PKHD1L1: variants seen among roughly 807,000 people sequenced by gnomAD.
The protein encoded by PKHD1L1 is fibrocystin-L.
Under a neutral mutation model 462.9 loss-of-function variants are expected in PKHD1L1, and 434 were observed. That is an observed-to-expected ratio of 0.94 (90% CI 0.87 to 1.02). The LOEUF (loss-of-function observed/expected upper bound fraction) is 1.02. Among genes scored for constraint, PKHD1L1 ranks in the 50% least tolerant of loss-of-function variants. The probability of loss-of-function intolerance (pLI) is 0.00; values close to 1 mark genes in which losing one functional copy is unlikely to be tolerated. For missense variants in PKHD1L1, 5,202 were observed against 5,096.1 expected (o/e 1.02, Z -0.63); for synonymous variants, 1,781 against 1,750.0 (o/e 1.02, Z -0.44).
intron 53 of PKHD1L1, among the ~76,000 whole-genome samples, 178 bp from the exon 54 acceptor site, chr8:109,479,373 C>G (rs1226349372): frequency 6.6e-6 from 1 of 152,038 alleles, no homozygotes; most frequent in Non-Finnish European, 1.5e-5. Flanking sequence ...ATATCCTCTA[C>G]CCCTACTCCC....
At chr8:109,437,426 T>C (rs1815486227) in intron 30 of PKHD1L1, among the ~76,000 whole-genome samples, 1 of 151,894 alleles carries the variant, frequency 6.6e-6, no homozygotes. Flanking sequence ...ATGTGCCATG[T>C]TGGTGTGCTG....
At chr8:109,396,467 CT>C (rs1812981317) in intron 11 of PKHD1L1, among the ~76,000 whole-genome samples, 1 of 152,118 alleles carries the variant, frequency 6.6e-6, no homozygotes, top group Non-Finnish European at 1.5e-5. Context: ...TCTTAAATGC[CT>C]TTTTTGAATG....
chr8:109,395,205 G>C (rs561822955), intron 10 of PKHD1L1, among the ~76,000 whole-genome samples: 5 of 152,298 alleles, frequency 3.3e-5, no homozygotes, highest in African/African-American at 1.2e-4. Context: ...GACCATTTAA[G>C]CTGTCTGAGA....
chr8:109,527,349 A>C (rs1462811089), intron 77 of PKHD1L1, among the ~76,000 whole-genome samples: 2 of 151,736 alleles, frequency 1.3e-5, no homozygotes, highest in African/African-American at 4.8e-5. Flanking sequence ...TAAAAATATA[A>C]AAAAATTAGC....
rs952485696 is a variant in PKHD1L1 at position 109,445,598 on chromosome 8, A to G, written c.5729A>G (p.Tyr1910Cys). 2 of 1,610,518 alleles carry G rather than the reference A, an allele frequency of 1.2e-6. No individual in the cohort carries two copies. Among genetic ancestry groups the G allele is most frequent in the African/African-American group, 2.7e-5 (2 of 74,868 alleles). Residue 1910 changes from tyrosine (Y) to cysteine (C), a missense_variant, in exon 38 of 78, where the codon TAT becomes TGT. Coordinates refer to ENST00000378402, the MANE Select transcript of PKHD1L1 (RefSeq NM_177531.6). ...TIAYPPLLFT[Y>C]ALEDTPFLRG... ...GCTTATCCACCTTTGCTTTTTACAT[A>G]TGCCCTGGAGGATACTCCATTTCTC... is the stretch of plus-strand genomic sequence containing the variant.
intron 1 of PKHD1L1, among the ~76,000 whole-genome samples, chr8:109,362,973 G>A (rs1811054354): frequency 6.6e-6 from 1 of 152,100 alleles, no homozygotes; most frequent in African/African-American, 2.4e-5. Flanking sequence ...GAAATTTGGC[G>A]GGGGAGTGGG....
intron 21 of PKHD1L1, among the ~76,000 whole-genome samples, chr8:109,414,991 TATTATTATTA>T (rs1563751469): frequency 3.5e-4 from 51 of 147,514 alleles, no homozygotes; most frequent in African/African-American, 9.7e-4. Context: ...TTATTATTAT[TATTATTATTA>T]TTATTATTAT....
chr8:109,416,044 A>G (rs1254621438), intron 21 of PKHD1L1, among the ~76,000 whole-genome samples: 1 of 152,090 alleles, frequency 6.6e-6, no homozygotes, highest in African/African-American at 2.4e-5. Context: ...AGTGAGGGCA[A>G]CTGTAGACCA....
chr8:109,498,724 C>A lies in PKHD1L1; in HGVS notation c.10781C>A (p.Ala3594Glu), dbSNP rs1488287534. Residue 3594 changes from alanine to glutamate, a missense_variant, in exon 67 of 78, where the codon GCA becomes GAA. Physicochemically the swap from Ala to Glu is moderately radical, Grantham distance 107 (BLOSUM62 -1). Coordinates refer to ENST00000378402, the MANE Select transcript of PKHD1L1 (RefSeq NM_177531.6). The part of the protein sequence containing the change: ...AHNMAPRKPH[A>E]GIMSYNAISG... The stretch of plus-strand genomic sequence containing the variant: ...AACATGGCACCCCGAAAGCCCCATG[C>A]AGGAATCATGAGTTACAATGCCATC... The A allele has an allele frequency of 1.2e-6, 2 of 1,613,956 alleles. No individual in the cohort carries two copies. Among genetic ancestry groups the A allele is most frequent in the Admixed American group, 3.3e-5 (2 of 60,018 alleles).
At chr8:109,385,711 T>G in intron 6 of PKHD1L1, 81 bp downstream of exon 6, 1 of 871,618 alleles carries the variant, frequency 1.1e-6, no homozygotes, top group East Asian at 2.9e-5. Flanking sequence ...CCAATGATAT[T>G]AAATCCCATT....
At chr8:109,421,412 A>C (rs533485352) in intron 23 of PKHD1L1, among the ~76,000 whole-genome samples, 1 of 152,300 alleles carries the variant, frequency 6.6e-6, no homozygotes, top group Admixed American at 6.5e-5. Context: ...ATCCTGGCCC[A>C]ATGTTTTAGT....
In PKHD1L1 at chr8:109,497,060, AT is replaced by A; in HGVS notation, c.10473del (p.Gln3492ArgfsTer11). ...TGGACATGCTGGGATTATGGAATTTATTTTCAGGTAATTATGATTAAAGATG... is the reference window on the plus strand; with the variant it reads ...TGGACATGCTGGGATTATGGAATTTATTTCAGGTAATTATGATTAAAGATG... ...TIWTCWDYGI[Y>X]FQTTESVHIY... is the part of the protein sequence containing the mutation. On this transcript the variant is annotated frameshift_variant, in exon 64 of 78. Coordinates refer to ENST00000378402, the MANE Select transcript of PKHD1L1 (RefSeq NM_177531.6). LOFTEE classifies it high-confidence loss of function. 6.2e-7 allele frequency: 1 copy of A among 1,613,240 alleles called. No individual in the cohort carries two copies. Among genetic ancestry groups the A allele is most frequent in the East Asian group, 2.2e-5 (1 of 44,850 alleles).
chr8:109,508,181 T>C lies in PKHD1L1; in HGVS notation c.11312T>C (p.Ile3771Thr), dbSNP rs373002133. 38 of 1,613,278 alleles carry C rather than the reference T, an allele frequency of 2.4e-5. No individual in the cohort carries two copies. Among genetic ancestry groups the C allele is most frequent in the South Asian group, 2.2e-4 (20 of 91,066 alleles). Residue 3771 changes from isoleucine to threonine, a missense_variant, in exon 70 of 78, where the codon ATT (isoleucine) becomes ACT (threonine). Ile to Thr is a moderately conservative substitution (Grantham distance 89). This residue lies in a region of PKHD1L1 where 698 missense variants were observed against 736.3 expected (regional missense o/e 0.95). Coordinates refer to ENST00000378402, the MANE Select transcript of PKHD1L1 (RefSeq NM_177531.6). ...CFGMEYAMMV[I>T]ESLDPDTETR... is the part of the protein sequence containing the mutation. The stretch of plus-strand genomic sequence containing the variant: ...GGGATGGAATATGCAATGATGGTTA[T>C]TGAAAGTCTGGATCCTGACACAGAA...
chr8:109,454,596 G>C, intron 44 of PKHD1L1, 127 bp from the exon 45 acceptor site: 1 of 1,339,296 alleles, frequency 7.5e-7, no homozygotes, highest in Non-Finnish European at 1.0e-6. Flanking sequence ...TCAAAAGAAA[G>C]ATATGAACAA....
At chr8:109,388,909 C>G (rs926561368) in intron 7 of PKHD1L1, among the ~76,000 whole-genome samples, 170 bp from the exon 8 acceptor site, 2 of 152,118 alleles carry the variant, frequency 1.3e-5, no homozygotes, top group African/African-American at 2.4e-5. Flanking sequence ...TTTATGCAAA[C>G]ATCTTCAACA....
intron 2 of PKHD1L1, among the ~76,000 whole-genome samples, chr8:109,377,055 A>C (rs1166919154): frequency 6.6e-6 from 1 of 152,260 alleles, no homozygotes; most frequent in Non-Finnish European, 1.5e-5. Flanking sequence ...GTTGTCTAGC[A>C]GACCTTTGTG....
intron 71 of PKHD1L1, among the ~76,000 whole-genome samples, chr8:109,512,608 A>G (rs899238270): frequency 4.0e-4 from 60 of 151,578 alleles, no homozygotes; most frequent in Middle Eastern, 3.4e-3. Flanking sequence ...GCCTTGTAGT[A>G]TAGTTTGAAG....
Position 109,400,341 on chromosome 8 carries a change from T to C in PKHD1L1, c.1278T>C (p.Asp426=), listed in dbSNP as rs753291980. The change falls in exon 13 of 78, where the codon GAT becomes GAC. Residue 426 remains aspartate, a synonymous_variant. Transcript: ENST00000378402. ...TTAGCCAGACTGGACTTCCAGAAGA[T>C]AAGGTAGGGAAGCCTCAGAATACTA... ...IYFSQTGLPE[D]KVRIAYHSAN... 2 of 1,612,458 alleles carry C rather than the reference T, an allele frequency of 1.2e-6. No homozygotes were observed. The highest frequency in any genetic ancestry group is 1.7e-6 in the Non-Finnish European group (2 of 1,178,960).
Position 109,491,913 on chromosome 8 carries a change from T to C in PKHD1L1, c.10155T>C (p.Asn3385=). ...IWGNANRVRG[N]LIALSVWPGT... ...GGAATGCCAACCGAGTCCGAGGGAA[T>C]TTGATTGCACTTTCGGTTTGGCCAG... Residue 3385 remains asparagine (N), a synonymous_variant, in exon 62 of 78, where the codon AAT becomes AAC. Coordinates refer to ENST00000378402, the MANE Select transcript of PKHD1L1 (RefSeq NM_177531.6). The C allele has an allele frequency of 6.2e-7, 1 of 1,604,970 alleles. No individual in the cohort carries two copies. The highest frequency in any genetic ancestry group is 8.5e-7 in the Non-Finnish European group (1 of 1,173,448).
Sources: gnomAD v4.1 joint callset for allele counts (sites outside exome capture counted in the v4.1 genomes callset) on GRCh38, gnomAD v4.1.1 for gene constraint, gnomAD v4.1.1 regional missense constraint, MANE v1.5 for transcripts, NCBI Gene and HGNC (gene_info 2026-07-23, HGNC 2026-07-21) for gene names.